The following ZFX variants were observed in gnomAD, a reference collection of about 807,000 sequenced individuals.
ZFX encodes the protein zinc finger X-chromosomal protein.
For synonymous variants in ZFX, 196 were observed against 226.8 expected, an observed-to-expected ratio of 0.86 and a Z score of 1.22; for missense variants, 362 against 628.3, an observed-to-expected ratio of 0.58 and a Z score of 4.53.
intron 3 of ZFX, among the ~76,000 whole-genome samples, chrX:24,170,066 G>A (rs747995793): frequency 6.3e-5 from 7 of 111,161 alleles, no homozygotes; most frequent in Non-Finnish European, 1.1e-4. Context: ...GGAAATTTGT[G>A]CGGTGAGGGG....
chrX:24,162,759 G>A (rs1933486586), intron 3 of ZFX, among the ~76,000 whole-genome samples: 1 of 111,209 alleles, frequency 9.0e-6, no homozygotes, highest in African/African-American at 3.3e-5. Context: ...TGGTTTTTTA[G>A]TAGATTCAGA....
At chrX:24,161,209 A>G (rs987804628) in intron 3 of ZFX, among the ~76,000 whole-genome samples, 8 of 112,394 alleles carry the variant, frequency 7.1e-5, no homozygotes, top group African/African-American at 1.3e-4. Context: ...CCTTACTAAG[A>G]GAAATGAAAG....
chrX:24,203,895 G>A (rs1285973592), intron 5 of ZFX, among the ~76,000 whole-genome samples: 1 of 112,272 alleles, frequency 8.9e-6, no homozygotes, highest in Non-Finnish European at 1.9e-5. Context: ...GTTTATTAAA[G>A]ATTGCATTAG....
chrX:24,182,733 C>G (rs184582961), intron 5 of ZFX, among the ~76,000 whole-genome samples: 1 of 109,778 alleles, frequency 9.1e-6, no homozygotes, highest in Admixed American at 9.8e-5. Context: ...GCCTGGATGG[C>G]GAAAGTAAGT....
intron 4 of ZFX, among the ~76,000 whole-genome samples, chrX:24,178,741 G>A (rs1279903472): frequency 9.0e-6 from 1 of 110,892 alleles, no homozygotes; most frequent in Admixed American, 9.6e-5. Context: ...ACCCATGCCC[G>A]GCTAATTTTT....
At chrX:24,165,728 G>A (rs1045753329) in intron 3 of ZFX, among the ~76,000 whole-genome samples, 1 of 112,240 alleles carries the variant, frequency 8.9e-6, no homozygotes, top group Non-Finnish European at 1.9e-5. Flanking sequence ...TCAGAATCCT[G>A]TCTTCATCCT....
intron 4 of ZFX, among the ~76,000 whole-genome samples, chrX:24,177,082 G>A (rs1383654497): frequency 9.0e-6 from 1 of 110,619 alleles, no homozygotes; most frequent in Non-Finnish European, 1.9e-5. Context: ...ACAGGCACGT[G>A]CCACCACACC....
chrX:24,150,075 C>T (rs979464756), intron 1 of ZFX: 1 of 101,592 alleles, frequency 9.8e-6, no homozygotes, highest in African/African-American at 3.5e-5. Flanking sequence ...CGCGGCCGAC[C>T]TGGGGCACCG....
chrX:24,163,216 C>T (rs1475381519), intron 3 of ZFX, among the ~76,000 whole-genome samples: 14 of 65,989 alleles, frequency 2.1e-4, no homozygotes, highest in Non-Finnish European at 2.6e-5. Flanking sequence ...GTGCCAAGGT[C>T]TGTGGTGTGT....
intron 5 of ZFX, among the ~76,000 whole-genome samples, chrX:24,184,218 A>G (rs1046612615): frequency 6.3e-5 from 7 of 111,707 alleles, no homozygotes; most frequent in Non-Finnish European, 1.1e-4. Flanking sequence ...CAGATTTTCT[A>G]TTACAAGACC....
At chrX:24,178,025 G>A (rs1177924424) in intron 4 of ZFX, among the ~76,000 whole-genome samples, 1 of 108,246 alleles carries the variant, frequency 9.2e-6, no homozygotes, top group Admixed American at 9.9e-5. Flanking sequence ...TCTGCCTCAC[G>A]GGTTCACGCC....
At chrX:24,198,938 T>G (rs1272611594) in intron 5 of ZFX, among the ~76,000 whole-genome samples, 1 of 111,576 alleles carries the variant, frequency 9.0e-6, no homozygotes, top group Non-Finnish European at 1.9e-5. Flanking sequence ...AGATGAAATT[T>G]AAGCCATCAG....
chrX:24,215,502 C>G lies in ZFX; in HGVS notation c.*4126C>G, dbSNP rs773634580. 1.8e-5 allele frequency: 2 copies of G among 111,740 alleles called. No individual in the cohort carries two copies. The highest frequency in any genetic ancestry group is 3.8e-4 in the South Asian group (1 of 2,640). The allele number at this position is 111,740 out of a possible 1,213,427, so 9.2% of individuals were successfully genotyped here. A position where few individuals can be genotyped will look rare whatever the true frequency, so the allele number is the denominator to read the frequency against. On this transcript the variant is annotated 3_prime_UTR_variant, in exon 10 of 10. Coordinates refer to ENST00000304543, the MANE Select transcript of ZFX (RefSeq NM_003410.4). ...CCAGCAGTCTTTGTTTTAACATGTTCTCCAAGTGATTCTGATGCCTGTTCA... is the reference window on the plus strand; with the variant it reads ...CCAGCAGTCTTTGTTTTAACATGTTGTCCAAGTGATTCTGATGCCTGTTCA...
chrX:24,152,356 C>T (rs1020450614), intron 2 of ZFX, among the ~76,000 whole-genome samples: 1 of 111,012 alleles, frequency 9.0e-6, no homozygotes, highest in Non-Finnish European at 1.9e-5. Flanking sequence ...TGGTCTCGAA[C>T]TCCTGACCTC....
intron 4 of ZFX, chrX:24,177,557 T>G (rs1178152914): frequency 7.1e-6 from 2 of 282,173 alleles, no homozygotes; most frequent in Admixed American, 1.9e-4. Context: ...CCTCCACCAC[T>G]CCAGCGCAGC....
chrX:24,167,711 T>A (rs1934136993), intron 3 of ZFX, among the ~76,000 whole-genome samples: 1 of 111,537 alleles, frequency 9.0e-6, no homozygotes, highest in Non-Finnish European at 1.9e-5. Context: ...TCTCTGAGAG[T>A]GTAGTAGAAA....
intron 5 of ZFX, among the ~76,000 whole-genome samples, chrX:24,185,011 G>A (rs1935991689): frequency 8.9e-6 from 1 of 112,021 alleles, no homozygotes; most frequent in Non-Finnish European, 1.9e-5. Context: ...GAGTGCAGTG[G>A]TGCCATCGCG....
chrX:24,153,466 G>GGGACCT (rs1932448519), intron 3 of ZFX, among the ~76,000 whole-genome samples: 1 of 111,580 alleles, frequency 9.0e-6, no homozygotes, highest in African/African-American at 3.3e-5. Flanking sequence ...TGTGCGTGAT[G>GGGACCT]CCGTCTCTTG....
intron 3 of ZFX, among the ~76,000 whole-genome samples, chrX:24,163,292 C>T (rs1601817830): frequency 1.6e-5 from 1 of 62,451 alleles, no homozygotes. Context: ...CATGACGGAT[C>T]ATATTTGCGG....
Sources: allele counts gnomAD v4.1 joint callset (sites outside exome capture counted in the v4.1 genomes callset), GRCh38; gene constraint gnomAD v4.1.1; transcripts MANE v1.5; gene names NCBI Gene and HGNC (gene_info 2026-07-23, HGNC 2026-07-21).